The following SHISA9 variants were observed in gnomAD, a reference collection of about 807,000 sequenced individuals.
SHISA9 encodes protein shisa-9.
Under a neutral mutation model 38.0 loss-of-function variants are expected in SHISA9, and 13 were observed. The ratio of observed to expected loss-of-function variants is 0.34; its 90% CI spans 0.22 to 0.54. SHISA9 has a LOEUF of 0.54. Among genes scored for constraint, SHISA9 ranks in the 20% least tolerant of loss-of-function variants. SHISA9 has a pLI of 0.91. For synonymous variants in SHISA9, 275 were observed against 242.0 expected (o/e 1.14, Z -1.27); for missense variants, 538 against 575.8 (o/e 0.93, Z 0.67).
At chr16:13,504,034 A>G in the SHISA9 span, among the ~76,000 whole-genome samples, 5 of 152,180 alleles carry the variant, frequency 3.3e-5, no homozygotes, top group Non-Finnish European at 5.9e-5. Flanking sequence ...ATTAAAAATC[A>G]TCAGAGCAAA....
intron 4 of SHISA9, among the ~76,000 whole-genome samples, chr16:13,234,207 C>T (rs1451590772): frequency 6.6e-6 from 1 of 152,008 alleles, no homozygotes; most frequent in Non-Finnish European, 1.5e-5. Flanking sequence ...ATACTAGGTA[C>T]ACATGAAAAT....
Position 12,902,048 on chromosome 16 carries a change from C to A in SHISA9, c.-17C>A. On this transcript the variant is annotated 5_prime_UTR_variant, in exon 1 of 5. Transcript: ENST00000558583. ...TCCAGCGGCGGCCGAGCGGCCGAGC[C>A]CGGGCTGGGAGACACCATGCGCCGC... The A allele has an allele frequency of 2.1e-6, 3 of 1,454,912 alleles. No individual in the cohort carries two copies. Among genetic ancestry groups the A allele is most frequent in the Non-Finnish European group, 2.7e-6 (3 of 1,110,664 alleles). 90.1% of individuals were successfully genotyped at this position (1,454,912 alleles called of 1,614,324 possible).
At chr16:13,162,208 A>G (rs943165548) in intron 2 of SHISA9, among the ~76,000 whole-genome samples, 1 of 152,170 alleles carries the variant, frequency 6.6e-6, no homozygotes, top group South Asian at 2.1e-4. Flanking sequence ...TCCTGGGGAC[A>G]GAGTGTATGC....
chr16:13,554,177 A>G, the SHISA9 span, among the ~76,000 whole-genome samples: 1 of 151,518 alleles, frequency 6.6e-6, no homozygotes, highest in African/African-American at 2.4e-5. Context: ...TCTCTTCCTC[A>G]CCTCCAGGGG....
chr16:13,352,675 A>C, the SHISA9 span, among the ~76,000 whole-genome samples: 1 of 53,316 alleles, frequency 1.9e-5, no homozygotes, highest in African/African-American at 6.3e-5. Flanking sequence ...CTGAGTCCGG[A>C]AAGAGAGTCA....
intron 2 of SHISA9, among the ~76,000 whole-genome samples, chr16:13,133,459 G>C (rs374433566): frequency 1.1e-4 from 17 of 152,266 alleles, no homozygotes; most frequent in African/African-American, 3.6e-4. Flanking sequence ...CAGGTTCCCA[G>C]TTCCTTCCCG....
intron 2 of SHISA9, among the ~76,000 whole-genome samples, chr16:13,128,462 T>C (rs781605196): frequency 4.4e-4 from 67 of 152,188 alleles, no homozygotes; most frequent in Non-Finnish European, 8.1e-4. Flanking sequence ...CCTTGAGCGC[T>C]TTTCTTTACC....
chr16:13,033,773 A>G (rs1276624857), intron 2 of SHISA9, among the ~76,000 whole-genome samples: 2 of 152,198 alleles, frequency 1.3e-5, no homozygotes, highest in Non-Finnish European at 2.9e-5. Flanking sequence ...AACTTGCTCC[A>G]ATAGGCCTCC....
chr16:12,946,349 C>T (rs796486536), intron 2 of SHISA9, among the ~76,000 whole-genome samples: 4 of 152,112 alleles, frequency 2.6e-5, no homozygotes, highest in Non-Finnish European at 5.9e-5. Context: ...GGGAAAGATA[C>T]AACTTGAAAG....
At chr16:13,200,445 A>AC (rs1444256867) in intron 2 of SHISA9, among the ~76,000 whole-genome samples, 3 of 100,872 alleles carry the variant, frequency 3.0e-5, no homozygotes, top group East Asian at 2.5e-4. Flanking sequence ...CACACACAGC[A>AC]GCAGCAGCAG....
At chr16:13,517,587 A>T in the SHISA9 span, among the ~76,000 whole-genome samples, 5 of 151,980 alleles carry the variant, frequency 3.3e-5, no homozygotes, top group Non-Finnish European at 7.4e-5. Flanking sequence ...CCTGAAGGCA[A>T]CTCAATTTCT....
intron 2 of SHISA9, among the ~76,000 whole-genome samples, chr16:13,146,235 A>G (rs922366418): frequency 1.3e-5 from 2 of 152,226 alleles, no homozygotes; most frequent in African/African-American, 4.8e-5. Context: ...ATTTGAATTG[A>G]GAAGATGCTG....
intron 2 of SHISA9, among the ~76,000 whole-genome samples, chr16:13,043,073 G>A (rs991916193): frequency 6.6e-6 from 1 of 152,180 alleles, no homozygotes; most frequent in African/African-American, 2.4e-5. Flanking sequence ...GGAGGGTAGA[G>A]GTAGACATGG....
intron 2 of SHISA9, among the ~76,000 whole-genome samples, chr16:13,070,123 CGTGTGTGT>C (rs55824636): frequency 1.9e-3 from 278 of 145,774 alleles, no homozygotes; most frequent in African/African-American, 3.0e-3. Flanking sequence ...CTTTAAAGTA[CGTGTGTGT>C]GTGTGTGTGT....
At chr16:12,963,312 G>T (rs1270869451) in intron 2 of SHISA9, among the ~76,000 whole-genome samples, 1 of 152,220 alleles carries the variant, frequency 6.6e-6, no homozygotes, top group African/African-American at 2.4e-5. Context: ...CAAGGTCATA[G>T]TCTCTGTCTT....
the SHISA9 span, among the ~76,000 whole-genome samples, chr16:13,394,572 A>G: frequency 7.0e-4 from 107 of 152,010 alleles, no homozygotes; most frequent in Non-Finnish European, 1.2e-3. Flanking sequence ...GGATCCTTTG[A>G]CTTGGCTTTC....
At chr16:13,217,894 G>T (rs1236551434) in intron 4 of SHISA9, among the ~76,000 whole-genome samples, 5 of 152,086 alleles carry the variant, frequency 3.3e-5, no homozygotes, top group African/African-American at 1.2e-4. Context: ...GCCAGGTACA[G>T]TGGCATGTGC....
At chr16:13,366,937 C>G in the SHISA9 span, among the ~76,000 whole-genome samples, 9 of 146,384 alleles carry the variant, frequency 6.1e-5, no homozygotes, top group African/African-American at 2.0e-4. Context: ...GAGCTGAGAT[C>G]TCGCCACTGC....
At chr16:13,374,473 T>C in the SHISA9 span, among the ~76,000 whole-genome samples, 1 of 152,228 alleles carries the variant, frequency 6.6e-6, no homozygotes, top group Non-Finnish European at 1.5e-5. Context: ...GCTTCATCCA[T>C]GTCCCTACAA....
Sources: gnomAD v4.1 joint callset for allele counts (sites outside exome capture counted in the v4.1 genomes callset) on GRCh38, gnomAD v4.1.1 for gene constraint, MANE v1.5 for transcripts, NCBI Gene and HGNC (gene_info 2026-07-23, HGNC 2026-07-21) for gene names.